SRRM3: variants seen among roughly 807,000 people sequenced by gnomAD.
SRRM3 encodes serine/arginine repetitive matrix protein 3.
SRRM3 carries 27 observed loss-of-function variants against 66.2 expected under a neutral mutation model. The observed-to-expected ratio is 0.41, with a 90% confidence interval of 0.30 to 0.56. The LOEUF (loss-of-function observed/expected upper bound fraction) is 0.56, where lower values mean the gene tolerates loss of function less well. Among genes scored for constraint, SRRM3 ranks in the 20% least tolerant of loss-of-function variants. The pLI is 0.32. For missense variants in SRRM3, 918 were observed against 991.9 expected (o/e 0.93, Z 1.00); for synonymous variants, 391 against 414.9 (o/e 0.94, Z 0.70).
chr7:76,267,816 C>G (rs1471623687), intron 11 of SRRM3: 2 of 186,636 alleles, frequency 1.1e-5, no homozygotes, highest in Non-Finnish European at 2.2e-5. Context: ...GATAGGAGTC[C>G]CAGGCAGGAG....
chr7:76,278,252 C>T (rs966427898), intron 11 of SRRM3, among the ~76,000 whole-genome samples: 2 of 151,684 alleles, frequency 1.3e-5, no homozygotes, highest in Admixed American at 6.6e-5. Context: ...TTTGGGAGGC[C>T]GAGGCAGGTG....
chr7:76,223,849 TCC>T (rs1800782527), intron 1 of SRRM3, among the ~76,000 whole-genome samples: 1 of 81,022 alleles, frequency 1.2e-5, no homozygotes, highest in Non-Finnish European at 2.1e-5. Flanking sequence ...TCCCTTCCCT[TCC>T]CTTCCCTTCC....
At chr7:76,246,616 C>T (rs373263451) in intron 2 of SRRM3, among the ~76,000 whole-genome samples, 1 of 151,980 alleles carries the variant, frequency 6.6e-6, no homozygotes, top group East Asian at 1.9e-4. Context: ...TAGGTGTACA[C>T]AAGTGTATAG....
At chr7:76,228,580 C>T (rs372348462) in intron 1 of SRRM3, among the ~76,000 whole-genome samples, 6 of 151,884 alleles carry the variant, frequency 4.0e-5, no homozygotes, top group African/African-American at 7.3e-5. Flanking sequence ...AAAAGTTAGC[C>T]GGGTGTAGTG....
At chr7:76,207,069 C>T (rs961883105) in intron 1 of SRRM3, among the ~76,000 whole-genome samples, 1 of 152,092 alleles carries the variant, frequency 6.6e-6, no homozygotes, top group African/African-American at 2.4e-5. Context: ...TGTACAGAAT[C>T]GTTCTGATTG....
chr7:76,222,588 C>T (rs2116966079), intron 1 of SRRM3, among the ~76,000 whole-genome samples: 1 of 151,718 alleles, frequency 6.6e-6, no homozygotes, highest in East Asian at 1.9e-4. Flanking sequence ...TTAGTGGGCT[C>T]AGCAAGACAA....
intron 1 of SRRM3, among the ~76,000 whole-genome samples, chr7:76,218,747 C>T (rs150590257): frequency 0.019 from 2,422 of 124,364 alleles, 30 homozygotes; most frequent in Non-Finnish European, 0.024. Flanking sequence ...GGTGAAATCT[C>T]GGCTCACTAC....
intron 6 of SRRM3, 56 bp from the exon 7 acceptor site, chr7:76,261,296 T>TC: frequency 7.4e-6 from 3 of 404,550 alleles, no homozygotes; most frequent in Non-Finnish European, 1.4e-5. Context: ...TCCAGCCATT[T>TC]CCAGCCCCCC....
intron 1 of SRRM3, among the ~76,000 whole-genome samples, chr7:76,213,493 C>T (rs374433454): frequency 1.3e-5 from 2 of 152,218 alleles, no homozygotes; most frequent in African/African-American, 2.4e-5. Context: ...AGTGGTTGAC[C>T]CACAGAGGTT....
intron 14 of SRRM3, among the ~76,000 whole-genome samples, chr7:76,284,341 A>AT (rs1301639361): frequency 2.0e-5 from 3 of 151,592 alleles, no homozygotes; most frequent in African/African-American, 7.3e-5. Context: ...CGCCCAGCTA[A>AT]TTTTTTTTGT....
chr7:76,276,684 C>T (rs183511958), intron 11 of SRRM3, among the ~76,000 whole-genome samples: 110 of 152,206 alleles, frequency 7.2e-4, no homozygotes, highest in African/African-American at 2.6e-3. Flanking sequence ...CTTGGATCTT[C>T]CCAGGAAGCA....
intron 1 of SRRM3, among the ~76,000 whole-genome samples, chr7:76,214,882 TAC>T (rs553790716): frequency 6.6e-6 from 1 of 152,192 alleles, no homozygotes; most frequent in South Asian, 2.1e-4. Flanking sequence ...GTTCTGGGAT[TAC>T]AGACATGAGC....
At chr7:76,279,087 C>T (rs1802433208) in intron 11 of SRRM3, among the ~76,000 whole-genome samples, 1 of 152,056 alleles carries the variant, frequency 6.6e-6, no homozygotes. Context: ...GGTGAAACCC[C>T]GTCTCTCCTA....
At chr7:76,207,835 C>G (rs541275539) in intron 1 of SRRM3, among the ~76,000 whole-genome samples, 6 of 152,162 alleles carry the variant, frequency 3.9e-5, no homozygotes, top group African/African-American at 1.4e-4. Context: ...TGAGATCGCA[C>G]CACTGCACTC....
chr7:76,215,298 A>C (rs1429431382), intron 1 of SRRM3, among the ~76,000 whole-genome samples: 1 of 151,944 alleles, frequency 6.6e-6, no homozygotes, highest in Non-Finnish European at 1.5e-5. Flanking sequence ...AACCCACTGA[A>C]AAATGGGAGT....
intron 11 of SRRM3, among the ~76,000 whole-genome samples, chr7:76,278,660 C>T (rs1482495228): frequency 6.6e-6 from 1 of 152,172 alleles, no homozygotes; most frequent in African/African-American, 2.4e-5. Flanking sequence ...CAAATGGAGA[C>T]ATTAAGCTCT....
chr7:76,259,223 A>G (rs1801794328), intron 3 of SRRM3, among the ~76,000 whole-genome samples: 1 of 151,858 alleles, frequency 6.6e-6, no homozygotes, highest in Admixed American at 6.6e-5. Context: ...GCTTCAATGA[A>G]TGGGGCTAGG....
At chr7:76,280,301 G>T (rs1554611644) in intron 11 of SRRM3, among the ~76,000 whole-genome samples, 1 of 151,976 alleles carries the variant, frequency 6.6e-6, no homozygotes, top group African/African-American at 2.4e-5. Context: ...TGTGGATTTT[G>T]TTTTTTTATT....
At position 76,205,188 on chromosome 7, in the gene SRRM3, TTCTC is replaced by T. The variant is rs368530693; in HGVS notation, c.-40+3139_-40+3142del. On this transcript the variant is annotated intron_variant, in intron 1 of 14. Coordinates refer to ENST00000611745, the MANE Select transcript of SRRM3 (RefSeq NM_001110199.3). ...AGCGCCTCTGCAGGGCTTGCCTCCTTTCTCTCTCTCTCTCTCTCTCTTTTGTTTT... is the reference window on the plus strand; with the variant it reads ...AGCGCCTCTGCAGGGCTTGCCTCCTTTCTCTCTCTCTCTCTCTTTTGTTTT... Among the ~76,000 whole-genome samples, 10 of 149,562 alleles carry T rather than the reference TTCTC, an allele frequency of 6.7e-5. 1 individual carries two copies. Among genetic ancestry groups the T allele is most frequent in the Admixed American group, 2.0e-4 (3 of 15,002 alleles).
Sources: allele counts gnomAD v4.1 joint callset (sites outside exome capture counted in the v4.1 genomes callset), GRCh38; gene constraint gnomAD v4.1.1; transcripts MANE v1.5; gene names NCBI Gene and HGNC (gene_info 2026-07-23, HGNC 2026-07-21).